The following CTNNA1 variants were observed in gnomAD, a reference collection of about 807,000 sequenced individuals.
CTNNA1 encodes catenin alpha-1.
Under a neutral mutation model 98.4 loss-of-function variants are expected in CTNNA1, and 37 were observed. The observed-to-expected ratio is 0.38, with a 90% CI of 0.29 to 0.49. The LOEUF (loss-of-function observed/expected upper bound fraction) is 0.49. CTNNA1 is among the 20% of genes least tolerant of loss of function. The pLI is 0.95. For synonymous variants in CTNNA1, 404 were observed against 413.2 expected, an observed-to-expected ratio of 0.98 and a Z score of 0.27; for missense variants, 761 against 1,147.2, an observed-to-expected ratio of 0.66 and a Z score of 4.86.
chr5:138,864,748 G>A (rs1457527513), intron 7 of CTNNA1, among the ~76,000 whole-genome samples: 1 of 152,176 alleles, frequency 6.6e-6, no homozygotes, highest in East Asian at 1.9e-4. Context: ...AACCAGAGAT[G>A]TTGTATGAAA....
intron 3 of CTNNA1, among the ~76,000 whole-genome samples, chr5:138,809,650 T>C (rs921391941): frequency 6.6e-5 from 10 of 152,232 alleles, no homozygotes; most frequent in African/African-American, 1.9e-4. Context: ...CCTGTTTCTG[T>C]ATTCTATGGA....
At chr5:138,790,953 C>T (rs959283115) in intron 3 of CTNNA1, 2 of 152,208 alleles carry the variant, frequency 1.3e-5, no homozygotes, top group African/African-American at 4.8e-5. Flanking sequence ...CTGGGTAATT[C>T]ACTGCAGCCT....
chr5:138,886,642 T>G (rs1754089149), intron 8 of CTNNA1, among the ~76,000 whole-genome samples: 1 of 152,156 alleles, frequency 6.6e-6, no homozygotes, highest in Admixed American at 6.5e-5. Flanking sequence ...ATTTCAGTTG[T>G]TTATCTGACT....
At chr5:138,878,718 A>G (rs1462598958) in intron 7 of CTNNA1, among the ~76,000 whole-genome samples, 1 of 152,146 alleles carries the variant, frequency 6.6e-6, no homozygotes, top group African/African-American at 2.4e-5. Context: ...AGATATATTC[A>G]TGAAATTTCC....
chr5:138,773,104 T>G (rs1203773117), intron 1 of CTNNA1, among the ~76,000 whole-genome samples: 1 of 152,240 alleles, frequency 6.6e-6, no homozygotes. Flanking sequence ...TAAGATACTT[T>G]TATTTTTTGA....
chr5:138,913,238 A>G (rs1561723217), intron 10 of CTNNA1, among the ~76,000 whole-genome samples: 1 of 151,930 alleles, frequency 6.6e-6, no homozygotes, highest in African/African-American at 2.4e-5. Context: ...TTCCTGGCAT[A>G]TAGAAAGGCT....
intron 9 of CTNNA1, among the ~76,000 whole-genome samples, chr5:138,892,724 T>C (rs1313608919): frequency 6.6e-6 from 1 of 152,016 alleles, no homozygotes; most frequent in Non-Finnish European, 1.5e-5. Flanking sequence ...CTAAAAAAAT[T>C]TAAAAATTCA....
intron 9 of CTNNA1, among the ~76,000 whole-genome samples, chr5:138,893,167 G>A (rs746287706): frequency 1.3e-5 from 2 of 152,088 alleles, no homozygotes; most frequent in Non-Finnish European, 2.9e-5. Flanking sequence ...CAGCCCTCAC[G>A]GAACACCTGT....
chr5:138,922,168 G>A (rs1763048782), intron 11 of CTNNA1, among the ~76,000 whole-genome samples: 1 of 152,102 alleles, frequency 6.6e-6, no homozygotes, highest in South Asian at 2.1e-4. Context: ...TGGTTCCTGG[G>A]GGGCAATTAG....
At chr5:138,832,530 T>C (rs1344336197) in intron 7 of CTNNA1, among the ~76,000 whole-genome samples, 1 of 152,224 alleles carries the variant, frequency 6.6e-6, no homozygotes, top group African/African-American at 2.4e-5. Flanking sequence ...TAAAAGTGAA[T>C]GGATTGAAAT....
At chr5:138,884,740 C>G (rs950147045) in intron 7 of CTNNA1, among the ~76,000 whole-genome samples, 1 of 152,104 alleles carries the variant, frequency 6.6e-6, no homozygotes, top group African/African-American at 2.4e-5. Context: ...CCCTCCTTCC[C>G]ATGATGGCCT....
At chr5:138,814,817 G>C (rs770988624) in intron 5 of CTNNA1, among the ~76,000 whole-genome samples, 2 of 151,754 alleles carry the variant, frequency 1.3e-5, no homozygotes, top group African/African-American at 4.8e-5. Context: ...GCAGTGGTGC[G>C]ATCTCGGCTC....
At position 138,930,669 on chromosome 5, in the gene CTNNA1, G is replaced by A. The variant is rs759870774; in HGVS notation, c.2192+15G>A. The A allele has an allele frequency of 1.1e-5, 18 of 1,605,440 alleles. No homozygotes were observed. Among genetic ancestry groups the A allele is most frequent in the African/African-American group, 5.3e-5 (4 of 74,788 alleles). ...GACTTTACCCGGTGAGCAGCACCCC[G>A]GCCCCACCAGGCTGCACAGGGGCTA... On this transcript the variant is annotated intron_variant, in intron 15 of 17. Coordinates refer to ENST00000302763, the MANE Select transcript of CTNNA1 (RefSeq NM_001903.5).
chr5:138,928,019 G>A (rs1764504233), intron 13 of CTNNA1, among the ~76,000 whole-genome samples: 1 of 151,970 alleles, frequency 6.6e-6, no homozygotes, highest in Non-Finnish European at 1.5e-5. Context: ...CAAGGGACAG[G>A]CCCAGCCTTT....
chr5:138,902,029 T>C (rs542684316), intron 9 of CTNNA1, among the ~76,000 whole-genome samples: 1 of 152,350 alleles, frequency 6.6e-6, no homozygotes, highest in African/African-American at 2.4e-5. Flanking sequence ...AAATAGGCAG[T>C]GTGCTCTTGT....
At chr5:138,834,885 C>T (rs549016993) in intron 7 of CTNNA1, among the ~76,000 whole-genome samples, 15 of 152,026 alleles carry the variant, frequency 9.9e-5, no homozygotes, top group African/African-American at 3.4e-4. Flanking sequence ...AGAGAGTCAG[C>T]GAAGGGTGGC....
chr5:138,933,501 C>CACTT (rs1407754238), intron 17 of CTNNA1, among the ~76,000 whole-genome samples: 10 of 152,318 alleles, frequency 6.6e-5, no homozygotes, highest in African/African-American at 2.4e-4. Flanking sequence ...GCTCTGGGAT[C>CACTT]ACTTACAGTG....
At chr5:138,796,396 T>C (rs1046209012) in intron 3 of CTNNA1, among the ~76,000 whole-genome samples, 15 of 151,498 alleles carry the variant, frequency 9.9e-5, no homozygotes, top group African/African-American at 3.4e-4. Flanking sequence ...TACAAAAAAT[T>C]AGCCAGGCGC....
At chr5:138,909,351 TC>T (rs1255131077) in intron 10 of CTNNA1, among the ~76,000 whole-genome samples, 15 of 147,816 alleles carry the variant, frequency 1.0e-4, no homozygotes, top group South Asian at 2.2e-4. Flanking sequence ...TTTTCTTTCC[TC>T]CCCCCCCACC....
Sources: allele counts gnomAD v4.1 joint callset (sites outside exome capture counted in the v4.1 genomes callset), GRCh38; gene constraint gnomAD v4.1.1; transcripts MANE v1.5; gene names NCBI Gene and HGNC (gene_info 2026-07-23, HGNC 2026-07-21).